Variants in PYROXD2 observed in about 807,000 individuals in gnomAD.
PYROXD2 encodes pyridine nucleotide-disulfide oxidoreductase domain-containing protein 2.
A neutral mutation model predicts 71.1 loss-of-function variants in PYROXD2; 69 were observed. The ratio of observed to expected loss-of-function variants is 0.97; its 90% CI spans 0.80 to 1.19. PYROXD2 has a LOEUF of 1.19. Among genes scored for constraint, PYROXD2 ranks in the 50% most tolerant of loss-of-function variants. PYROXD2 has a pLI of 0.00. For missense variants in PYROXD2, 745 were observed against 748.9 expected (o/e 0.99, Z 0.06); for synonymous variants, 287 against 302.7 (o/e 0.95, Z 0.54).
At chr10:98,388,069 C>G (rs907798892) in intron 13 of PYROXD2, 2 of 376,366 alleles carry the variant, frequency 5.3e-6, no homozygotes, top group Middle Eastern at 8.3e-4. Context: ...TCCTTTGGTT[C>G]GTGCAGTCAG....
chr10:98,394,640 G>A (rs1843090067), intron 8 of PYROXD2, among the ~76,000 whole-genome samples: 1 of 151,732 alleles, frequency 6.6e-6, no homozygotes, highest in South Asian at 2.1e-4. Flanking sequence ...AGGCTTTGCT[G>A]TGTCTGACTG....
intron 4 of PYROXD2, among the ~76,000 whole-genome samples, chr10:98,403,065 T>C (rs1191991095): frequency 6.6e-6 from 1 of 152,206 alleles, no homozygotes; most frequent in African/African-American, 2.4e-5. Flanking sequence ...ACACTGGAGA[T>C]GCTCCAGGCG....
intron 1 of PYROXD2, chr10:98,413,880 T>C (rs1431628317): frequency 1.3e-5 from 2 of 152,182 alleles, no homozygotes. Flanking sequence ...TTTGCAACTA[T>C]AGGTTGGCTA....
rs200311255 is a variant in PYROXD2, at chr10:98,414,062, C to CAT, written c.127+945_127+946dup. On this transcript the variant is annotated intron_variant, in intron 1 of 15. Coordinates refer to ENST00000370575, the MANE Select transcript of PYROXD2 (RefSeq NM_032709.3). Reference sequence around the variant, plus strand: ...TATATATATGTACGTAACACATATACATATATATACACATATATGTGTGTA... The same window carrying CAT: ...TATATATATGTACGTAACACATATACATATATATATACACATATATGTGTGTA... 866 of 151,906 alleles carry CAT rather than the reference C, an allele frequency of 5.7e-3. 11 individuals carry two copies. The highest frequency in any genetic ancestry group is 0.02 in the African/African-American group (811 of 41,390). 9.4% of individuals were successfully genotyped at this position (151,906 alleles called of 1,614,324 possible). A position where few individuals can be genotyped will look rare whatever the true frequency, so the allele number is the denominator to read the frequency against.
At chr10:98,404,540 A>G (rs1315221630) in intron 4 of PYROXD2, among the ~76,000 whole-genome samples, 1 of 152,206 alleles carries the variant, frequency 6.6e-6, no homozygotes, top group African/African-American at 2.4e-5. Context: ...CGGATTATGA[A>G]GCTTTTTTCT....
chr10:98,391,904 C>T (rs4619078), intron 10 of PYROXD2, among the ~76,000 whole-genome samples: 9,615 of 152,120 alleles, frequency 0.063, 432 homozygotes, highest in East Asian at 0.11. Flanking sequence ...GAAGGAGTCC[C>T]GCCAAGATCA....
rs765344749 is a variant in PYROXD2, at chr10:98,400,104, G to C, written c.469C>G (p.Gln157Glu). 6.2e-7 allele frequency: 1 copy of C among 1,612,658 alleles called. No individual in the cohort carries two copies. The highest frequency in any genetic ancestry group is 2.2e-5 in the East Asian group (1 of 44,850). ...QIAQFSQKDA[Q>E]VFPKYEEFMH... ...CAGTCACTGGTCGCCTTCCCTACCTGGGCATCCTTCTGGGAGAACTGGGCG... is the reference window on the plus strand; with the variant it reads ...CAGTCACTGGTCGCCTTCCCTACCTCGGCATCCTTCTGGGAGAACTGGGCG... Residue 157 changes from glutamine to glutamate, a missense_variant and splice_region_variant, in exon 5 of 16, where the codon CAG becomes GAG. Transcript: ENST00000370575.
chr10:98,407,462 G>A (rs1220754866), intron 4 of PYROXD2, 120 bp downstream of exon 4: 27 of 1,235,354 alleles, frequency 2.2e-5, no homozygotes, highest in Non-Finnish European at 3.1e-5. Context: ...GACTTGGGTG[G>A]AAGAGGGAGC....
intron 6 of PYROXD2, among the ~76,000 whole-genome samples, 172 bp downstream of exon 6, chr10:98,397,173 T>A (rs192622559): frequency 6.6e-6 from 1 of 152,252 alleles, no homozygotes; most frequent in African/African-American, 2.4e-5. Context: ...CATATCAGCC[T>A]AAGATGCTCT....
chr10:98,393,199 C>A (rs1033956470), intron 8 of PYROXD2, 116 bp from the exon 9 acceptor site: 7 of 799,814 alleles, frequency 8.8e-6, no homozygotes, highest in Non-Finnish European at 1.3e-5. Flanking sequence ...ACCATCCAGC[C>A]CTCTCCCAGC....
In PYROXD2 at chr10:98,387,206, CA is replaced by C. The variant is rs1842781688; in HGVS notation, c.1548del (p.Gly517GlufsTer46). ...PPDLERIFGL[P>X]GGNIFHCAMS... ...CCCCCTAGGCTTATACATACCCCTC[CA>C]GGAAGCCCGAAGATTCTCTCCAAAT... On this transcript the variant is annotated frameshift_variant, in exon 14 of 16. Transcript: ENST00000370575. LOFTEE classifies it high-confidence loss of function. The C allele has an allele frequency of 6.2e-7, 1 of 1,613,688 alleles. No homozygotes were observed. Among genetic ancestry groups the C allele is most frequent in the East Asian group, 2.2e-5 (1 of 44,866 alleles).
intron 14 of PYROXD2, 147 bp from the exon 15 acceptor site, chr10:98,385,214 A>G: frequency 8.3e-7 from 1 of 1,199,178 alleles, no homozygotes; most frequent in Non-Finnish European, 1.2e-6. Context: ...AAAGGGAAGG[A>G]GATGAGACGG....
chr10:98,399,590 T>C (rs1488215845), intron 5 of PYROXD2, among the ~76,000 whole-genome samples: 3 of 152,214 alleles, frequency 2.0e-5, no homozygotes, highest in Non-Finnish European at 4.4e-5. Flanking sequence ...GGACACTTTG[T>C]TGCCTTGGGC....
intron 4 of PYROXD2, among the ~76,000 whole-genome samples, chr10:98,401,257 A>G (rs1590961902): frequency 6.9e-6 from 1 of 145,816 alleles, no homozygotes; most frequent in East Asian, 2.0e-4. Context: ...CTGTCTCAAA[A>G]AAAAAAAAAC....
intron 4 of PYROXD2, among the ~76,000 whole-genome samples, chr10:98,403,468 C>G (rs1843491088): frequency 6.6e-6 from 1 of 152,252 alleles, no homozygotes; most frequent in African/African-American, 2.4e-5. Flanking sequence ...TTCCTGATCA[C>G]ACACCTCACT....
At position 98,384,961 on chromosome 10, in the gene PYROXD2, C is replaced by T. The variant is rs1842703169; in HGVS notation, c.1661G>A (p.Ser554Asn). The T allele has an allele frequency of 1.9e-6, 3 of 1,612,784 alleles. No homozygotes were observed. The highest frequency in any genetic ancestry group is 1.1e-5 in the South Asian group (1 of 90,748). Residue 554 changes from serine to asparagine, a missense_variant, in exon 15 of 16, where the codon AGT (serine) becomes AAT (asparagine). Ser to Asn is a conservative substitution (Grantham distance 46, BLOSUM62 1). Coordinates refer to ENST00000370575, the MANE Select transcript of PYROXD2 (RefSeq NM_032709.3). The part of the protein sequence containing the change: ...CPLQGLYLCG[S>N]GAHPGGGVMG... ...AGGTCACTCACCAGGATGAGCCCCACTTCCACAGAGATACAGGCCCTGGAG... is the reference window on the plus strand; with the variant it reads ...AGGTCACTCACCAGGATGAGCCCCATTTCCACAGAGATACAGGCCCTGGAG...
chr10:98,409,331 C>T (rs964642520), intron 2 of PYROXD2, among the ~76,000 whole-genome samples: 2 of 152,172 alleles, frequency 1.3e-5, no homozygotes, highest in African/African-American at 4.8e-5. Context: ...CTTGAGCTGC[C>T]CAGTTGCAGG....
chr10:98,404,198 A>G (rs1311947282), intron 4 of PYROXD2, among the ~76,000 whole-genome samples: 1 of 152,206 alleles, frequency 6.6e-6, no homozygotes, highest in East Asian at 1.9e-4. Context: ...GTTTTGGCCA[A>G]TCAAAGGGGA....
intron 4 of PYROXD2, among the ~76,000 whole-genome samples, chr10:98,401,050 C>T (rs567046071): frequency 6.6e-5 from 10 of 152,062 alleles, no homozygotes; most frequent in Admixed American, 6.6e-5. Flanking sequence ...GTCAGGAGTT[C>T]GAGACCAGCC....
Sources: gnomAD v4.1 joint callset for allele counts (sites outside exome capture counted in the v4.1 genomes callset) on GRCh38, gnomAD v4.1.1 for gene constraint, MANE v1.5 for transcripts, NCBI Gene and HGNC (gene_info 2026-07-23, HGNC 2026-07-21) for gene names.